The following ZNF679 variants were observed in gnomAD, a reference collection of about 807,000 sequenced individuals.
ZNF679 encodes hypothetical protein MGC42415.
In ZNF679, 10 loss-of-function variants were observed where a neutral mutation model predicts 13.4. The ratio of observed to expected loss-of-function variants is 0.75; its 90% CI spans 0.46 to 1.27. The LOEUF (loss-of-function observed/expected upper bound fraction) is 1.27, where lower values mean the gene tolerates loss of function less well. ZNF679 is among the 50% of genes most tolerant of loss of function. The pLI is 0.00. For synonymous variants in ZNF679, 179 were observed against 162.5 expected (o/e 1.10, Z -0.77); for missense variants, 525 against 477.8 (o/e 1.10, Z -0.92).
Position 64,257,922 on chromosome 7 carries a change from G to A in ZNF679, c.40-2299G>A, listed in dbSNP as rs532310349. Among the ~76,000 whole-genome samples the A allele has an allele frequency of 1.1e-4, 16 of 152,274 alleles. 1 individual carries two copies. The South Asian group carries it at 2.5e-3, about 24-fold the overall frequency. On this transcript the variant is annotated intron_variant, in intron 2 of 4. Coordinates refer to ENST00000421025, the MANE Select transcript of ZNF679 (RefSeq NM_153363.3). ...GGACCCTTTTGGGTCCTGCAGAATC[G>A]CTTTGCACAAAGCAGGGCCAAGATT... is the stretch of plus-strand genomic sequence containing the variant.
intron 1 of ZNF679, among the ~76,000 whole-genome samples, chr7:64,230,184 G>T (rs1787617302): frequency 6.6e-6 from 1 of 152,216 alleles, no homozygotes; most frequent in South Asian, 2.1e-4. Flanking sequence ...GGCAGAAAAA[G>T]ATGGTAACAT....
intron 2 of ZNF679, among the ~76,000 whole-genome samples, chr7:64,256,916 T>G (rs1022538675): frequency 1.6e-4 from 24 of 152,156 alleles, no homozygotes; most frequent in African/African-American, 5.5e-4. Flanking sequence ...CAGGCTGGTC[T>G]TGAACTCCTG....
At chr7:64,249,723 T>C (rs548963876) in intron 2 of ZNF679, among the ~76,000 whole-genome samples, 3 of 152,218 alleles carry the variant, frequency 2.0e-5, no homozygotes, top group Admixed American at 6.5e-5. Flanking sequence ...GGTAAAGTTA[T>C]GTCGTTTCCT....
intron 1 of ZNF679, among the ~76,000 whole-genome samples, chr7:64,234,384 G>A (rs1787680475): frequency 6.6e-6 from 1 of 152,180 alleles, no homozygotes; most frequent in Admixed American, 6.5e-5. Flanking sequence ...GGAAGTCAGA[G>A]ATTCAAAGTA....
intron 2 of ZNF679, 104 bp from the exon 3 acceptor site, chr7:64,260,116 CT>C: frequency 9.7e-7 from 1 of 1,027,938 alleles, no homozygotes; most frequent in Non-Finnish European, 1.4e-6. Flanking sequence ...AGAAACACTT[CT>C]TTTTACTCTC....
chr7:64,243,297 G>T (rs1489399992), intron 1 of ZNF679, among the ~76,000 whole-genome samples: 1 of 152,124 alleles, frequency 6.6e-6, no homozygotes, highest in Non-Finnish European at 1.5e-5. Context: ...TCCCACCTGT[G>T]GGCAGAGACT....
intron 2 of ZNF679, among the ~76,000 whole-genome samples, chr7:64,253,754 T>C (rs1562845265): frequency 6.6e-6 from 1 of 152,120 alleles, no homozygotes; most frequent in Non-Finnish European, 1.5e-5. Context: ...TGGTATGATA[T>C]AAGGGGGCAA....
chr7:64,239,892 A>G (rs547222388), intron 1 of ZNF679, among the ~76,000 whole-genome samples: 1 of 152,256 alleles, frequency 6.6e-6, no homozygotes, highest in East Asian at 1.9e-4. Context: ...TCTCATCACA[A>G]CATATTGCTG....
At chr7:64,238,823 C>T (rs1685753971) in intron 1 of ZNF679, among the ~76,000 whole-genome samples, 1 of 152,200 alleles carries the variant, frequency 6.6e-6, no homozygotes, top group African/African-American at 2.4e-5. Flanking sequence ...CATCTTGACT[C>T]TCACTGCACC....
chr7:64,235,812 A>AAGAG (rs1391998411), intron 1 of ZNF679, among the ~76,000 whole-genome samples: 1 of 140,878 alleles, frequency 7.1e-6, no homozygotes, highest in African/African-American at 2.7e-5. Flanking sequence ...GAAAGAAAGA[A>AAGAG]AGAGACAGAG....
chr7:64,262,146 G>A (rs142677511), intron 4 of ZNF679, among the ~76,000 whole-genome samples: 82 of 152,256 alleles, frequency 5.4e-4, no homozygotes, highest in African/African-American at 1.6e-3. Context: ...ATGAGCCACC[G>A]CGCCTGGCTC....
chr7:64,238,416 AGT>A (rs989622628), intron 1 of ZNF679, among the ~76,000 whole-genome samples: 2 of 152,040 alleles, frequency 1.3e-5, no homozygotes, highest in Non-Finnish European at 2.9e-5. Context: ...TTTGAAACAG[AGT>A]CTCACTCACT....
chr7:64,236,022 T>TGTGGGAG (rs1787706148), intron 1 of ZNF679, among the ~76,000 whole-genome samples: 1 of 152,080 alleles, frequency 6.6e-6, no homozygotes, highest in Admixed American at 6.6e-5. Flanking sequence ...ATCCCAACAC[T>TGTGGGAG]GTGGGAGGCC....
At chr7:64,232,920 A>G (rs2116506016) in intron 1 of ZNF679, among the ~76,000 whole-genome samples, 1 of 152,304 alleles carries the variant, frequency 6.6e-6, no homozygotes, top group African/African-American at 2.4e-5. Context: ...GGTATGTCAC[A>G]ATACCCCTTA....
intron 2 of ZNF679, among the ~76,000 whole-genome samples, chr7:64,250,265 G>GTTTTTTTTTT (rs11434714): frequency 1.2e-4 from 11 of 91,314 alleles, no homozygotes; most frequent in African/African-American, 1.7e-4. Flanking sequence ...CTTTCCCTTG[G>GTTTTTTTTTT]TTTTTTTTTT....
chr7:64,231,573 C>T (rs1231369828), intron 1 of ZNF679, among the ~76,000 whole-genome samples: 1 of 152,194 alleles, frequency 6.6e-6, no homozygotes, highest in African/African-American at 2.4e-5. Context: ...TAATATGTCA[C>T]AATCTTCAGT....
chr7:64,229,966 AGT>A (rs1301614607), intron 1 of ZNF679, among the ~76,000 whole-genome samples: 7 of 152,214 alleles, frequency 4.6e-5, no homozygotes, highest in African/African-American at 1.7e-4. Context: ...ATAAGAGGAT[AGT>A]CACATCGCTT....
At chr7:64,263,098 AT>A (rs992604325) in intron 4 of ZNF679, among the ~76,000 whole-genome samples, 20 of 150,014 alleles carry the variant, frequency 1.3e-4, no homozygotes, top group Non-Finnish European at 2.4e-4. Flanking sequence ...CTCTTCTTAA[AT>A]TTTTTTTTTA....
At chr7:64,248,818 A>G (rs2082661) in intron 1 of ZNF679, among the ~76,000 whole-genome samples, 149,105 of 152,300 alleles carry the variant, frequency 0.98, 73,039 homozygotes, top group Non-Finnish European at 0.99. Context: ...AAGAAGGCTT[A>G]GCTGTAAAGG....
Sources: gnomAD v4.1 joint callset for allele counts (sites outside exome capture counted in the v4.1 genomes callset) on GRCh38, gnomAD v4.1.1 for gene constraint, MANE v1.5 for transcripts, NCBI Gene and HGNC (gene_info 2026-07-23, HGNC 2026-07-21) for gene names.